Variants in TCF7L1 observed in about 807,000 individuals in gnomAD.
The protein encoded by TCF7L1 is transcription factor 7 like 1.
Under a neutral mutation model 63.7 loss-of-function variants are expected in TCF7L1, and 18 were observed. The ratio of observed to expected loss-of-function variants is 0.28; its 90% CI spans 0.20 to 0.42. The LOEUF is 0.42. TCF7L1 is among the 10% of genes least tolerant of loss of function. The pLI is 1.00. For synonymous variants in TCF7L1, 355 were observed against 340.9 expected, an observed-to-expected ratio of 1.04 and a Z score of -0.46; for missense variants, 654 against 779.3, an observed-to-expected ratio of 0.84 and a Z score of 1.91.
chr2:85,134,514 G>C lies in TCF7L1; in HGVS notation c.441+64G>C, dbSNP rs554396508. The C allele has an allele frequency of 9.8e-6, 15 of 1,532,656 alleles. No homozygotes were observed. The highest frequency in any genetic ancestry group is 3.7e-5 in the South Asian group (3 of 81,314). 94.9% of individuals were successfully genotyped at this position (1,532,656 alleles called of 1,614,324 possible). On this transcript the variant is annotated intron_variant, in intron 3 of 11. Transcript: ENST00000282111. The surrounding 1 kb of genome is among the most constrained non-coding windows in gnomAD (Gnocchi z 5.0). ...CGCGGCCCGCAGGATGCGCCCCCGG[G>C]CTTGGCCATGGAGTGGGGGATGGGG...
At chr2:85,164,756 A>T (rs1009113655) in intron 3 of TCF7L1, among the ~76,000 whole-genome samples, 4 of 152,232 alleles carry the variant, frequency 2.6e-5, no homozygotes, top group African/African-American at 9.6e-5. Flanking sequence ...TGCAAAGTGC[A>T]TTTTTAAAAA....
intron 3 of TCF7L1, among the ~76,000 whole-genome samples, chr2:85,155,416 G>A (rs1418069313): frequency 2.6e-5 from 4 of 152,082 alleles, no homozygotes; most frequent in African/African-American, 4.8e-5. Context: ...CTTTGGGTCC[G>A]TGCCACCTTT....
chr2:85,244,347 A>T (rs190134465), intron 3 of TCF7L1, among the ~76,000 whole-genome samples: 13 of 152,314 alleles, frequency 8.5e-5, no homozygotes, highest in Non-Finnish European at 1.6e-4. Flanking sequence ...GGCTGCCATG[A>T]TATAATCATA....
intron 3 of TCF7L1, among the ~76,000 whole-genome samples, chr2:85,264,309 A>G (rs554451977): frequency 1.6e-4 from 24 of 152,348 alleles, no homozygotes; most frequent in African/African-American, 5.8e-4. Context: ...TGGAAAATCA[A>G]GGTGGATCAA....
chr2:85,231,417 G>C (rs1680076845), intron 3 of TCF7L1, among the ~76,000 whole-genome samples: 1 of 152,218 alleles, frequency 6.6e-6, no homozygotes, highest in South Asian at 2.1e-4. Flanking sequence ...GCCTCTGCCT[G>C]AACACCTGCA....
At chr2:85,291,254 T>C (rs1257881957) in intron 4 of TCF7L1, among the ~76,000 whole-genome samples, 4 of 152,240 alleles carry the variant, frequency 2.6e-5, no homozygotes, top group Non-Finnish European at 5.9e-5. Context: ...TGGTTCCTTT[T>C]TGCTTAACAA....
intron 3 of TCF7L1, among the ~76,000 whole-genome samples, chr2:85,243,194 T>C (rs559241034): frequency 6.6e-6 from 1 of 152,306 alleles, no homozygotes; most frequent in Non-Finnish European, 1.5e-5. Context: ...TTATGGCTAC[T>C]CCTCGGCGCC....
At chr2:85,250,398 G>A (rs1573009868) in intron 3 of TCF7L1, among the ~76,000 whole-genome samples, 1 of 151,986 alleles carries the variant, frequency 6.6e-6, no homozygotes, top group South Asian at 2.1e-4. Context: ...AAAAGCACTC[G>A]GTAATATATT....
At chr2:85,275,937 AT>A (rs1285184267) in intron 3 of TCF7L1, among the ~76,000 whole-genome samples, 19 of 151,556 alleles carry the variant, frequency 1.3e-4, no homozygotes, top group African/African-American at 4.1e-4. Context: ...AAAAAAAAAA[AT>A]ACCTCAAGAA....
intron 3 of TCF7L1, among the ~76,000 whole-genome samples, chr2:85,181,612 G>A (rs893652474): frequency 6.6e-6 from 1 of 152,152 alleles, no homozygotes; most frequent in East Asian, 1.9e-4. Flanking sequence ...TCCCAGGGGA[G>A]CAAAAGGCTG....
intron 3 of TCF7L1, among the ~76,000 whole-genome samples, chr2:85,271,123 G>GT (rs923732787): frequency 6.6e-5 from 10 of 150,464 alleles, no homozygotes; most frequent in South Asian, 2.1e-4. Context: ...AATTTCCTTT[G>GT]TTTTTTTGAT....
At chr2:85,303,119 C>T (rs1682024513) in intron 5 of TCF7L1, among the ~76,000 whole-genome samples, 1 of 152,182 alleles carries the variant, frequency 6.6e-6, no homozygotes, top group Admixed American at 6.5e-5. Context: ...CAGCCTTGAC[C>T]TCCCGGGCTC....
At chr2:85,217,911 G>C (rs1335857178) in intron 3 of TCF7L1, among the ~76,000 whole-genome samples, 2 of 152,108 alleles carry the variant, frequency 1.3e-5, no homozygotes, top group Non-Finnish European at 2.9e-5. Flanking sequence ...CGATTTTGGG[G>C]TTAGGGATGC....
chr2:85,278,474 T>G (rs1277341441), intron 3 of TCF7L1, among the ~76,000 whole-genome samples: 1 of 152,078 alleles, frequency 6.6e-6, no homozygotes, highest in Non-Finnish European at 1.5e-5. Flanking sequence ...CATGACCAAA[T>G]AGGGCTTACC....
intron 3 of TCF7L1, among the ~76,000 whole-genome samples, chr2:85,274,744 C>T (rs1321532069): frequency 6.6e-6 from 1 of 152,208 alleles, no homozygotes; most frequent in Non-Finnish European, 1.5e-5. Context: ...CTTAGAGAGC[C>T]AGTTGTTAGG....
At chr2:85,298,367 C>T (rs7564589) in intron 4 of TCF7L1, among the ~76,000 whole-genome samples, 94,248 of 148,642 alleles carry the variant, frequency 0.63, 30,582 homozygotes, top group East Asian at 0.9. Context: ...GGCGGGTGCA[C>T]GTAGTCCCAG....
At chr2:85,227,286 T>A (rs1016362891) in intron 3 of TCF7L1, among the ~76,000 whole-genome samples, 1 of 152,142 alleles carries the variant, frequency 6.6e-6, no homozygotes, top group African/African-American at 2.4e-5. Context: ...TGAACTCAAC[T>A]AAAGGAGCCT....
At chr2:85,213,883 T>C (rs1266347164) in intron 3 of TCF7L1, among the ~76,000 whole-genome samples, 1 of 152,238 alleles carries the variant, frequency 6.6e-6, no homozygotes, top group Non-Finnish European at 1.5e-5. Flanking sequence ...ACTGCCCCCA[T>C]ATCTTGCATA....
chr2:85,249,182 C>A, intron 3 of TCF7L1, among the ~76,000 whole-genome samples: 1 of 152,192 alleles, frequency 6.6e-6, no homozygotes, highest in East Asian at 1.9e-4. Flanking sequence ...TCTCTGTGTG[C>A]TGAATGCAGA....
Sources: allele counts gnomAD v4.1 joint callset (sites outside exome capture counted in the v4.1 genomes callset), GRCh38; gene constraint gnomAD v4.1.1; non-coding constraint Gnocchi (gnomAD v3.1); transcripts MANE v1.5; gene names NCBI Gene and HGNC (gene_info 2026-07-23, HGNC 2026-07-21).